Variants in CNDP2 observed in about 807,000 individuals in gnomAD.
CNDP2 encodes cytosolic non-specific dipeptidase.
A neutral mutation model predicts 55.0 loss-of-function variants in CNDP2; 38 were observed. The observed-to-expected ratio is 0.69, with a 90% CI of 0.53 to 0.90. The LOEUF is 0.90. CNDP2 is among the 40% of genes least tolerant of loss of function. The probability of loss-of-function intolerance (pLI) is 0.00; values close to 1 mark genes in which losing one functional copy is unlikely to be tolerated. For synonymous variants in CNDP2, 241 were observed against 260.2 expected (o/e 0.93, Z 0.71); for missense variants, 607 against 621.7 (o/e 0.98, Z 0.25).
chr18:74,501,986 C>T (rs966722882), intron 3 of CNDP2, among the ~76,000 whole-genome samples: 4 of 152,102 alleles, frequency 2.6e-5, no homozygotes, highest in Admixed American at 6.6e-5. Context: ...CTCCGCCTCC[C>T]GGGTTCAAGC....
chr18:74,508,980 T>C lies in CNDP2; in HGVS notation c.456+52T>C, dbSNP rs531103435. Reference sequence around the variant, plus strand: ...TGAGTCCTGGGTTCCATCTGAGCCATACAAAGACAGGCTCTCTGTTCACAC... The same window carrying C: ...TGAGTCCTGGGTTCCATCTGAGCCACACAAAGACAGGCTCTCTGTTCACAC... On this transcript the variant is annotated intron_variant, in intron 5 of 11. Transcript: ENST00000324262. 3.2e-5 allele frequency: 46 copies of C among 1,454,948 alleles called. No individual in the cohort carries two copies. In the Middle Eastern group the frequency reaches 1.2e-3, roughly 38 times the overall value. 90.1% of individuals were successfully genotyped at this position (1,454,948 alleles called of 1,614,324 possible). A position where few individuals can be genotyped will look rare whatever the true frequency, so the allele number is the denominator to read the frequency against.
At chr18:74,513,796 C>T (rs1979494214) in intron 8 of CNDP2, 77 bp downstream of exon 8, 1 of 1,482,008 alleles carries the variant, frequency 6.7e-7, no homozygotes, top group South Asian at 1.3e-5. Context: ...CTGTCACCTT[C>T]CCTGGGTCCA....
intron 1 of CNDP2, among the ~76,000 whole-genome samples, chr18:74,496,800 G>C (rs1385639421): frequency 6.6e-6 from 1 of 152,156 alleles, no homozygotes; most frequent in African/African-American, 2.4e-5. Flanking sequence ...GCGGGGAGCC[G>C]AGCGCTGGTC....
chr18:74,518,806 C>T (rs1447889181), intron 10 of CNDP2, 143 bp from the exon 11 acceptor site: 5 of 1,427,374 alleles, frequency 3.5e-6, no homozygotes, highest in Admixed American at 1.8e-5. Context: ...GAGCCTGGAC[C>T]CCTGGCGGAC....
intron 3 of CNDP2, 145 bp from the exon 4 acceptor site, chr18:74,505,704 T>C (rs1978973300): frequency 2.4e-6 from 2 of 823,504 alleles, no homozygotes; most frequent in Non-Finnish European, 3.8e-6. Context: ...AGTGACTCCA[T>C]TGAACAGTGT....
In CNDP2 at chr18:74,518,462, T is replaced by C. The variant is rs186454398; in HGVS notation, c.1069-37T>C. 5 of 1,612,000 alleles carry C rather than the reference T, an allele frequency of 3.1e-6. No individual in the cohort carries two copies. In the Admixed American group the frequency reaches 6.7e-5, roughly 21 times the overall value. The stretch of plus-strand genomic sequence containing the variant: ...TAGCACTGGATCAAATGCAAGCTTA[T>C]AAAGCATTGTATACCTCTATTCTAT... On this transcript the variant is annotated intron_variant, in intron 9 of 11. Coordinates refer to ENST00000324262, the MANE Select transcript of CNDP2 (RefSeq NM_018235.3).
At chr18:74,509,072 C>T (rs768155637) in intron 5 of CNDP2, 144 bp downstream of exon 5, 23 of 623,266 alleles carry the variant, frequency 3.7e-5, no homozygotes, top group Non-Finnish European at 6.2e-5. Flanking sequence ...GCACAGATGA[C>T]TCGGATGTAA....
intron 6 of CNDP2, 23 bp from the exon 7 acceptor site, chr18:74,512,425 C>A: frequency 6.2e-7 from 1 of 1,604,814 alleles, no homozygotes; most frequent in Non-Finnish European, 8.5e-7. Flanking sequence ...CAGCCAGACA[C>A]AGTGGCCTTT....
rs1329870563 is a variant in CNDP2 at position 74,510,908 on chromosome 18, C to T, written c.552C>T (p.Phe184=). The stretch of plus-strand genomic sequence containing the variant: ...TGATTTTTGCCCGGAAAGACACATT[C>T]TTTAAGGATGTGGACTATGTCTGCA... ...DELIFARKDT[F]FKDVDYVCIS... Residue 184 remains phenylalanine, a synonymous_variant, in exon 6 of 12, where the codon TTC becomes TTT. Coordinates refer to ENST00000324262, the MANE Select transcript of CNDP2 (RefSeq NM_018235.3). The T allele has an allele frequency of 2.5e-6, 4 of 1,614,200 alleles. No individual in the cohort carries two copies. Among genetic ancestry groups the T allele is most frequent in the South Asian group, 1.1e-5 (1 of 91,086 alleles).
chr18:74,505,920 G>A lies in CNDP2; in HGVS notation c.276G>A (p.Lys92=), dbSNP rs1412398434. The change falls in exon 4 of 12, where the codon AAG becomes AAA. Residue 92 remains lysine (K), a synonymous_variant. Transcript: ENST00000324262. ...GGCTGGGCTCCGACCCACAGAAGAAGACCGTGTGCATTTACGGGCACCTGG... is the reference window on the plus strand; with the variant it reads ...GGCTGGGCTCCGACCCACAGAAGAAAACCGTGTGCATTTACGGGCACCTGG... The part of the protein sequence containing the change: ...LGRLGSDPQK[K]TVCIYGHLDV... 39 of 1,612,198 alleles carry A rather than the reference G, an allele frequency of 2.4e-5. No homozygotes were observed. The Admixed American group carries it at 6.6e-4, about 27-fold the overall frequency.
chr18:74,513,431 A>G, intron 7 of CNDP2, 128 bp from the exon 8 acceptor site: 1 of 978,438 alleles, frequency 1.0e-6, no homozygotes, highest in Non-Finnish European at 1.4e-6. Context: ...GCCCCTCCTC[A>G]GCCACGTGGC....
chr18:74,511,092 A>T, intron 6 of CNDP2, 79 bp downstream of exon 6: 2 of 1,253,768 alleles, frequency 1.6e-6, no homozygotes, highest in Non-Finnish European at 2.2e-6. Flanking sequence ...GTAGACAAGG[A>T]CCCAGAAGTC....
chr18:74,510,620 T>A (rs943727864), intron 5 of CNDP2, among the ~76,000 whole-genome samples, 193 bp from the exon 6 acceptor site: 4 of 152,200 alleles, frequency 2.6e-5, no homozygotes, highest in African/African-American at 9.7e-5. Flanking sequence ...CTTGCGAGAC[T>A]GGACCAGTCC....
At chr18:74,512,312 T>A (rs569875460) in intron 6 of CNDP2, 136 bp from the exon 7 acceptor site, 2 of 702,374 alleles carry the variant, frequency 2.8e-6, no homozygotes, top group Non-Finnish European at 4.7e-6. Context: ...AATGCCTTGC[T>A]TTGCTCCCTG....
rs143078658 is a variant in CNDP2, at chr18:74,523,434, C to A, written c.*3366C>A. On this transcript the variant is annotated 3_prime_UTR_variant, in exon 12 of 12. Coordinates refer to ENST00000324262, the MANE Select transcript of CNDP2 (RefSeq NM_018235.3). The stretch of plus-strand genomic sequence containing the variant: ...GGGAAACAGGCGTGGTAAATAAATA[C>A]TGTTGTTTCAGCTGGTGTAATATGG... 6.6e-6 allele frequency: 1 copy of A among 152,268 alleles called. No homozygotes were observed. Among genetic ancestry groups the A allele is most frequent in the Non-Finnish European group, 1.5e-5 (1 of 68,028 alleles). The allele number at this position is 152,268 out of a possible 1,614,324, so 9.4% of individuals were successfully genotyped here. A position where few individuals can be genotyped will look rare whatever the true frequency, so the allele number is the denominator to read the frequency against.
chr18:74,501,219 A>G (rs1452017546), intron 2 of CNDP2, 110 bp from the exon 3 acceptor site: 3 of 1,479,122 alleles, frequency 2.0e-6, no homozygotes, highest in Non-Finnish European at 2.7e-6. Context: ...CAGCCTGTTC[A>G]ACTGCAGCAG....
intron 9 of CNDP2, 198 bp downstream of exon 9, chr18:74,516,590 T>G: frequency 1.6e-6 from 1 of 615,560 alleles, no homozygotes; most frequent in Non-Finnish European, 2.7e-6. Context: ...TGACCTTTGT[T>G]ACTGATGAGG....
At position 74,521,233 on chromosome 18, in the gene CNDP2, CAG is replaced by C. The variant is rs1412520564; in HGVS notation, c.*1167_*1168del. ...GGGACAGCAGGCAGGACCCGGAAAA[CAG>C]AACCCAGGTCTTCCCAGGCGAGCAC... On this transcript the variant is annotated 3_prime_UTR_variant, in exon 12 of 12. Coordinates refer to ENST00000324262, the MANE Select transcript of CNDP2 (RefSeq NM_018235.3). 2.0e-5 allele frequency: 3 copies of C among 152,342 alleles called. No individual in the cohort carries two copies. The highest frequency in any genetic ancestry group is 4.4e-5 in the Non-Finnish European group (3 of 68,126). 9.4% of individuals were successfully genotyped at this position (152,342 alleles called of 1,614,324 possible). A position where few individuals can be genotyped will look rare whatever the true frequency, so the allele number is the denominator to read the frequency against.
intron 4 of CNDP2, 187 bp from the exon 5 acceptor site, chr18:74,508,653 T>C (rs1296637530): frequency 8.7e-6 from 5 of 576,606 alleles, no homozygotes; most frequent in Non-Finnish European, 1.3e-5. Context: ...GGCTTATCTC[T>C]TTGATGATGC....
Sources: gnomAD v4.1 joint callset for allele counts (sites outside exome capture counted in the v4.1 genomes callset) on GRCh38, gnomAD v4.1.1 for gene constraint, MANE v1.5 for transcripts, NCBI Gene and HGNC (gene_info 2026-07-23, HGNC 2026-07-21) for gene names.